TESK2: variants seen among roughly 807,000 people sequenced by gnomAD.
TESK2 encodes the protein testis associated actin remodelling kinase 2.
Under a neutral mutation model 57.1 loss-of-function variants are expected in TESK2, and 39 were observed. The observed-to-expected ratio is 0.68, with a 90% confidence interval of 0.53 to 0.89. The LOEUF (loss-of-function observed/expected upper bound fraction) is 0.89, where lower values mean the gene tolerates loss of function less well. Among genes scored for constraint, TESK2 ranks in the 40% least tolerant of loss-of-function variants. The pLI, the probability that TESK2 is intolerant of heterozygous loss-of-function variation, is 0.00. For synonymous variants in TESK2, 249 were observed against 267.9 expected (o/e 0.93, Z 0.69); for missense variants, 646 against 732.1 (o/e 0.88, Z 1.36).
chr1:45,485,213 G>A (rs1294085722), intron 1 of TESK2, among the ~76,000 whole-genome samples: 1 of 150,016 alleles, frequency 6.7e-6, no homozygotes, highest in East Asian at 1.9e-4. Flanking sequence ...TTTTGAGATG[G>A]AGTCTCGCTC....
chr1:45,415,106 G>A lies in TESK2; in HGVS notation c.344+6619C>T, dbSNP rs2149284751. ...TCTCCTTCGAGCTGTTTGCAGACAA[G>A]TTTCCAAAGACAACAGAAAACTTTT... On this transcript the variant is annotated intron_variant, in intron 3 of 10. Transcript: ENST00000372086. 5 of 1,450,102 alleles carry A rather than the reference G, an allele frequency of 3.4e-6. No homozygotes were observed. In the South Asian group the frequency reaches 5.7e-5, roughly 17 times the overall value. The allele number at this position is 1,450,102 out of a possible 1,614,324, so 89.8% of individuals were successfully genotyped here.
intron 3 of TESK2, among the ~76,000 whole-genome samples, chr1:45,411,656 C>A (rs1296978356): frequency 6.6e-6 from 1 of 152,134 alleles, no homozygotes; most frequent in Non-Finnish European, 1.5e-5. Context: ...CTTTTCCACA[C>A]CCCCAATTAA....
At chr1:45,453,427 A>G (rs1169176849) in intron 2 of TESK2, among the ~76,000 whole-genome samples, 1 of 151,976 alleles carries the variant, frequency 6.6e-6, no homozygotes, top group Non-Finnish European at 1.5e-5. Flanking sequence ...GGGTGCCAAA[A>G]CCATTCAATG....
intron 2 of TESK2, among the ~76,000 whole-genome samples, chr1:45,432,226 T>C (rs1247295620): frequency 6.6e-6 from 1 of 151,890 alleles, no homozygotes; most frequent in Non-Finnish European, 1.5e-5. Context: ...TCAGGCATAG[T>C]GGTCCCAGCT....
At chr1:45,435,817 A>G (rs1018551921) in intron 2 of TESK2, among the ~76,000 whole-genome samples, 2 of 151,374 alleles carry the variant, frequency 1.3e-5, no homozygotes, top group Admixed American at 6.6e-5. Context: ...TGACTTTTGT[A>G]TATAGTAAGA....
At chr1:45,447,926 G>A (rs553271750) in intron 2 of TESK2, among the ~76,000 whole-genome samples, 1 of 151,426 alleles carries the variant, frequency 6.6e-6, no homozygotes, top group Non-Finnish European at 1.5e-5. Context: ...ATCTATATGA[G>A]AAAAACCACA....
At chr1:45,350,826 G>A (rs950179235) in intron 5 of TESK2, among the ~76,000 whole-genome samples, 1 of 152,212 alleles carries the variant, frequency 6.6e-6, no homozygotes, top group African/African-American at 2.4e-5. Flanking sequence ...AGCATAAATA[G>A]TTCCCAGAAG....
intron 4 of TESK2, among the ~76,000 whole-genome samples, chr1:45,370,050 T>G (rs1016399855): frequency 6.6e-6 from 1 of 151,916 alleles, no homozygotes; most frequent in African/African-American, 2.4e-5. Flanking sequence ...AAAGAGCATA[T>G]TCTAGGTTGA....
intron 1 of TESK2, among the ~76,000 whole-genome samples, chr1:45,473,130 A>C (rs974880591): frequency 2.0e-5 from 3 of 150,724 alleles, no homozygotes; most frequent in African/African-American, 7.3e-5. Flanking sequence ...CTCCCTGGCA[A>C]GACAGTAAGA....
chr1:45,467,572 C>T (rs980534148), intron 1 of TESK2, among the ~76,000 whole-genome samples: 1 of 151,788 alleles, frequency 6.6e-6, no homozygotes, highest in Non-Finnish European at 1.5e-5. Context: ...CCTCATGATC[C>T]GCCCGCCTTG....
chr1:45,477,128 CTAAG>C (rs1374094390), intron 1 of TESK2, among the ~76,000 whole-genome samples: 1 of 149,248 alleles, frequency 6.7e-6, no homozygotes, highest in Non-Finnish European at 1.5e-5. Context: ...ACTGAGGAGC[CTAAG>C]TGAGGCAGGA....
chr1:45,468,757 G>A (rs191488452), intron 1 of TESK2, among the ~76,000 whole-genome samples: 15 of 152,244 alleles, frequency 9.9e-5, no homozygotes, highest in Admixed American at 9.2e-4. Flanking sequence ...ACAATGATGG[G>A]GGTGTGGGAT....
At chr1:45,460,646 T>A (rs1269590924) in intron 1 of TESK2, among the ~76,000 whole-genome samples, 1 of 152,110 alleles carries the variant, frequency 6.6e-6, no homozygotes, top group Non-Finnish European at 1.5e-5. Context: ...CTCAAACTCC[T>A]GGGTTCAGGC....
chr1:45,453,896 G>T, intron 2 of TESK2, among the ~76,000 whole-genome samples: 1 of 151,892 alleles, frequency 6.6e-6, no homozygotes, highest in Non-Finnish European at 1.5e-5. Flanking sequence ...ATACAAAAAA[G>T]GTCAACAAGT....
intron 3 of TESK2, among the ~76,000 whole-genome samples, chr1:45,412,980 G>A (rs1650094667): frequency 6.6e-6 from 1 of 152,176 alleles, no homozygotes; most frequent in South Asian, 2.1e-4. Flanking sequence ...GGGCAACAGA[G>A]TGAGGCCCTG....
rs1293352637 is a variant in TESK2 at position 45,483,834 on chromosome 1, C to CA, written c.-87+7017dup. Among the ~76,000 whole-genome samples, 379 of 109,428 alleles carry CA rather than the reference C, an allele frequency of 3.5e-3. 1 individual carries two copies. Among genetic ancestry groups the CA allele is most frequent in the Middle Eastern group, 6.1e-3 (1 of 164 alleles). 71.8% of individuals were successfully genotyped at this position (109,428 alleles called of 152,430 possible). A position where few individuals can be genotyped will look rare whatever the true frequency, so the allele number is the denominator to read the frequency against. On this transcript the variant is annotated intron_variant, in intron 1 of 10. Coordinates refer to ENST00000372086, the MANE Select transcript of TESK2 (RefSeq NM_007170.3). ...GCAACATAGGGAGGCCCTGTCTCTA[C>CA]AAAAAAAAAAAAATTAGCCAGGCAT...
At chr1:45,360,728 T>C (rs756614801) in intron 4 of TESK2, among the ~76,000 whole-genome samples, 2 of 152,256 alleles carry the variant, frequency 1.3e-5, no homozygotes, top group Non-Finnish European at 2.9e-5. Context: ...GTTGGGCTGA[T>C]AAGCCTGTAG....
intron 2 of TESK2, among the ~76,000 whole-genome samples, chr1:45,436,552 C>T (rs1039874852): frequency 1.5e-5 from 2 of 129,962 alleles, no homozygotes; most frequent in East Asian, 2.4e-4. Flanking sequence ...TGCAATGGCC[C>T]GATCTTGGCT....
At chr1:45,401,042 AAG>A (rs1491068858) in intron 3 of TESK2, among the ~76,000 whole-genome samples, 2 of 150,756 alleles carry the variant, frequency 1.3e-5, no homozygotes, top group African/African-American at 4.9e-5. Flanking sequence ...AAAAAAAAAA[AAG>A]AAGTGAAGAA....
Sources: allele counts gnomAD v4.1 joint callset (sites outside exome capture counted in the v4.1 genomes callset), GRCh38; gene constraint gnomAD v4.1.1; transcripts MANE v1.5; gene names NCBI Gene and HGNC (gene_info 2026-07-23, HGNC 2026-07-21).